The following APOBEC3A variants were observed in gnomAD, a reference collection of about 807,000 sequenced individuals.
APOBEC3A encodes DNA dC->dU-editing enzyme APOBEC-3A.
Under a neutral mutation model 23.0 loss-of-function variants are expected in APOBEC3A, and 13 were observed. The observed-to-expected ratio is 0.57, with a 90% CI of 0.37 to 0.90. The LOEUF (loss-of-function observed/expected upper bound fraction) is 0.90. Among genes scored for constraint, APOBEC3A ranks in the 40% least tolerant of loss-of-function variants. The pLI is 0.01. For missense variants in APOBEC3A, 179 were observed against 264.9 expected, an observed-to-expected ratio of 0.68 and a Z score of 2.25; for synonymous variants, 74 against 101.3, an observed-to-expected ratio of 0.73 and a Z score of 1.62.
rs1922776584 is a variant in APOBEC3A, at chr22:38,959,591, G to A, written c.79G>A (p.Gly27Arg). The A allele has an allele frequency of 6.2e-7, 1 of 1,613,948 alleles. No homozygotes were observed. The highest frequency in any genetic ancestry group is 1.3e-5 in the African/African-American group (1 of 74,884). Residue 27 changes from glycine to arginine, a missense_variant, in exon 2 of 5, where the codon GGA becomes AGA. By Grantham distance (125) the Gly-to-Arg change is moderately radical (BLOSUM62 -2). Transcript: ENST00000249116. ...CACTTCCAACTTTAACAATGGCATT[G>A]GAAGGCATAAGACCTACCTGTGCTA... Reference protein sequence around the residue: ...IFTSNFNNGIGRHKTYLCYEV... With the variant: ...IFTSNFNNGIRRHKTYLCYEV...
chr22:38,960,932 C>G (rs1007439337), intron 2 of APOBEC3A, among the ~76,000 whole-genome samples: 1 of 151,768 alleles, frequency 6.6e-6, no homozygotes, highest in African/African-American at 2.4e-5. Context: ...AGGGCTGGGT[C>G]TGGGGTGAGG....
In APOBEC3A at chr22:38,962,381, A is replaced by G. The variant is rs1016530508; in HGVS notation, c.586-114A>G. On this transcript the variant is annotated intron_variant, in intron 4 of 4. Coordinates refer to ENST00000249116, the MANE Select transcript of APOBEC3A (RefSeq NM_145699.4). ...TTCTCACAGCCTCCTTCTCTTTCCC[A>G]CCTCCCGCATCCCTCCCTCCTCTCC... The G allele has an allele frequency of 4.2e-5, 65 of 1,539,330 alleles. No individual in the cohort carries two copies. The African/African-American group carries it at 9.1e-4, about 21-fold the overall frequency.
chr22:38,960,480 G>A (rs1229811404), intron 2 of APOBEC3A, among the ~76,000 whole-genome samples: 1 of 152,186 alleles, frequency 6.6e-6, no homozygotes, highest in African/African-American at 2.4e-5. Flanking sequence ...GTCCCTCCCT[G>A]TCTTTGTCCC....
rs1352984145 is a variant in APOBEC3A at position 38,959,686 on chromosome 22, G to C, written c.174G>C (p.Gln58His). 2.5e-6 allele frequency: 4 copies of C among 1,612,894 alleles called. No individual in the cohort carries two copies. The African/African-American group carries it at 5.3e-5, about 22-fold the overall frequency. Residue 58 changes from glutamine to histidine, a missense_variant and splice_region_variant, in exon 2 of 5, where the codon CAG (glutamine) becomes CAC (histidine). By Grantham distance (24) the Gln-to-His change is conservative. Transcript: ENST00000249116. ...MDQHRGFLHNQAKNLLCGFYG... is the reference protein window; with the variant it reads ...MDQHRGFLHNHAKNLLCGFYG... The stretch of plus-strand genomic sequence containing the variant: ...AGCACAGGGGCTTTCTACACAACCA[G>C]GTGACCGACCCAGCCATCCGAATCC...
chr22:38,962,296 C>G, intron 4 of APOBEC3A, 83 bp downstream of exon 4: 5 of 1,605,950 alleles, frequency 3.1e-6, no homozygotes, highest in Non-Finnish European at 4.3e-6. Context: ...CCCCTCTGCT[C>G]AGAGCCTCCT....
Position 38,962,713 on chromosome 22 carries a change from A to G in APOBEC3A, c.*204A>G, listed in dbSNP as rs929670296. On this transcript the variant is annotated 3_prime_UTR_variant, in exon 5 of 5. Coordinates refer to ENST00000249116, the MANE Select transcript of APOBEC3A (RefSeq NM_145699.4). ...GGTGGCTCACGCCTGTAATCCCAGC[A>G]CTTTGGAGGCCAAGGCGGGTGGATC... is the stretch of plus-strand genomic sequence containing the variant. 3 of 1,329,168 alleles carry G rather than the reference A, an allele frequency of 2.3e-6. No individual in the cohort carries two copies. Among genetic ancestry groups the G allele is most frequent in the Non-Finnish European group, 3.0e-6 (3 of 990,842 alleles). The allele number at this position is 1,329,168 out of a possible 1,614,324, so 82.3% of individuals were successfully genotyped here. A position where few individuals can be genotyped will look rare whatever the true frequency, so the allele number is the denominator to read the frequency against.
chr22:38,958,495 CTT>C (rs1338794885), intron 1 of APOBEC3A, among the ~76,000 whole-genome samples: 2 of 138,674 alleles, frequency 1.4e-5, no homozygotes, highest in African/African-American at 5.5e-5. Flanking sequence ...TTCCTTCTTT[CTT>C]TCTTTTTCTT....
chr22:38,962,060 C>T (rs759462428), intron 3 of APOBEC3A, 38 bp from the exon 4 acceptor site: 2 of 1,586,212 alleles, frequency 1.3e-6, no homozygotes, highest in African/African-American at 1.3e-5. Context: ...CCCGATCCCA[C>T]AGCGGGAGCG....
rs1209187811 is a variant in APOBEC3A at position 38,959,442 on chromosome 22, G to A, written c.30-100G>A. On this transcript the variant is annotated intron_variant, in intron 1 of 4. Transcript: ENST00000249116. Reference sequence around the variant, plus strand: ...TAAGGGATGTGCGGAGCAGGGGGAAGGAGGGTGGGGTGCAAGGGAGGAAGT... The same window carrying A: ...TAAGGGATGTGCGGAGCAGGGGGAAAGAGGGTGGGGTGCAAGGGAGGAAGT... 8.5e-6 allele frequency: 12 copies of A among 1,412,284 alleles called. No individual in the cohort carries two copies. The East Asian group carries it at 1.4e-4, about 16-fold the overall frequency. The allele number at this position is 1,412,284 out of a possible 1,614,324, so 87.5% of individuals were successfully genotyped here.
intron 1 of APOBEC3A, among the ~76,000 whole-genome samples, chr22:38,958,811 CT>C (rs1922730526): frequency 7.7e-5 from 10 of 129,854 alleles, no homozygotes; most frequent in Admixed American, 5.3e-4. Flanking sequence ...TTCCTTCTTT[CT>C]CTTTCCTTCT....
chr22:38,962,770 A>G lies in APOBEC3A; in HGVS notation c.*261A>G. ...TCAGGAGATCGAGACCATCCTGGCT[A>G]ACACGGTGAAACCCTGTCTCTACTA... On this transcript the variant is annotated 3_prime_UTR_variant, in exon 5 of 5. Coordinates refer to ENST00000249116, the MANE Select transcript of APOBEC3A (RefSeq NM_145699.4). 1 of 836,458 alleles carries G rather than the reference A, an allele frequency of 1.2e-6. No individual in the cohort carries two copies. 51.8% of individuals were successfully genotyped at this position (836,458 alleles called of 1,614,324 possible).
intron 1 of APOBEC3A, among the ~76,000 whole-genome samples, chr22:38,958,178 C>CT (rs1321259722): frequency 6.6e-6 from 1 of 152,102 alleles, no homozygotes; most frequent in Non-Finnish European, 1.5e-5. Flanking sequence ...GCCTTGTTTC[C>CT]TTTTTTTGAG....
chr22:38,959,837 G>A lies in APOBEC3A; in HGVS notation c.174+151G>A, dbSNP rs555204891. On this transcript the variant is annotated intron_variant, in intron 2 of 4. Transcript: ENST00000249116. ...TGCTGCTTGGCCCTGGGGTTGGGGGGAGACTTCGGCTTCAGTGACTATCCA... is the reference window on the plus strand; with the variant it reads ...TGCTGCTTGGCCCTGGGGTTGGGGGAAGACTTCGGCTTCAGTGACTATCCA... 2.2e-4 allele frequency: 255 copies of A among 1,177,428 alleles called. 1 individual carries two copies. In the East Asian group the frequency reaches 6.0e-3, roughly 28 times the overall value. 72.9% of individuals were successfully genotyped at this position (1,177,428 alleles called of 1,614,324 possible).
In APOBEC3A at chr22:38,961,778, C is replaced by T. The variant is rs573596356; in HGVS notation, c.469+97C>T. The T allele has an allele frequency of 1.1e-4, 117 of 1,071,046 alleles. 1 individual carries two copies. In the South Asian group the frequency reaches 1.5e-3, roughly 14 times the overall value. The allele number at this position is 1,071,046 out of a possible 1,614,324, so 66.3% of individuals were successfully genotyped here. A position where few individuals can be genotyped will look rare whatever the true frequency, so the allele number is the denominator to read the frequency against. The stretch of plus-strand genomic sequence containing the variant: ...GGCCTTGGTCTGCTGCCTGCAGAAA[C>T]GATGGCTGGACTCTGGGACCTGACT... On this transcript the variant is annotated intron_variant, in intron 3 of 4. Transcript: ENST00000249116.
Position 38,957,620 on chromosome 22 carries a change from T to C in APOBEC3A, c.-72T>C. 1 of 1,574,680 alleles carries C rather than the reference T, an allele frequency of 6.4e-7. No homozygotes were observed. The highest frequency in any genetic ancestry group is 1.1e-5 in the South Asian group (1 of 87,344). ...AATCCTAAGAGAATGTTGGTGAAGATCTTAACACCACGCCTTGAGCAAGTC... is the reference window on the plus strand; with the variant it reads ...AATCCTAAGAGAATGTTGGTGAAGACCTTAACACCACGCCTTGAGCAAGTC... On this transcript the variant is annotated 5_prime_UTR_variant, in exon 1 of 5. Transcript: ENST00000249116.
At position 38,962,957 on chromosome 22, in the gene APOBEC3A, C is replaced by CAA. The variant is rs60486763; in HGVS notation, c.*460_*461dup. The CAA allele has an allele frequency of 1.5e-3, 224 of 146,606 alleles. No individual in the cohort carries two copies. The highest frequency in any genetic ancestry group is 6.2e-3 in the South Asian group (36 of 5,836). 9.1% of individuals were successfully genotyped at this position (146,606 alleles called of 1,614,324 possible). On this transcript the variant is annotated 3_prime_UTR_variant, in exon 5 of 5. Coordinates refer to ENST00000249116, the MANE Select transcript of APOBEC3A (RefSeq NM_145699.4). ...TGGGCGACAGTACCAGACTCCATCT[C>CAA]AAAAAAAAAAAAACCAGACTGAATT...
Position 38,961,487 on chromosome 22 carries a change from T to C in APOBEC3A, c.275T>C (p.Val92Ala), listed in dbSNP as rs1922879180. The C allele has an allele frequency of 6.8e-7, 1 of 1,468,916 alleles. No individual in the cohort carries two copies. Among genetic ancestry groups the C allele is most frequent in the South Asian group, 1.2e-5 (1 of 85,868 alleles). 91.0% of individuals were successfully genotyped at this position (1,468,916 alleles called of 1,614,324 possible). A position where few individuals can be genotyped will look rare whatever the true frequency, so the allele number is the denominator to read the frequency against. Reference protein sequence around the residue: ...LQLDPAQIYRVTWFISWSPCF... With the variant: ...LQLDPAQIYRATWFISWSPCF... ...TTGGACCCGGCCCAGATCTACAGGG[T>C]CACTTGGTTCATCTCCTGGAGCCCC... The change falls in exon 3 of 5, where the codon GTC becomes GCC. Residue 92 changes from valine (V) to alanine (A), a missense_variant. Val to Ala is a moderately conservative substitution (Grantham distance 64, BLOSUM62 0). This residue lies in a region of APOBEC3A where 10 missense variants were observed against 64.3 expected (regional missense o/e 0.16). Coordinates refer to ENST00000249116, the MANE Select transcript of APOBEC3A (RefSeq NM_145699.4).
Position 38,959,452 on chromosome 22 carries a change from G to A in APOBEC3A, c.30-90G>A, listed in dbSNP as rs1374739469. The A allele has an allele frequency of 2.7e-6, 4 of 1,481,720 alleles. No individual in the cohort carries two copies. The African/African-American group carries it at 5.5e-5, about 20-fold the overall frequency. The allele number at this position is 1,481,720 out of a possible 1,614,324, so 91.8% of individuals were successfully genotyped here. ...GCGGAGCAGGGGGAAGGAGGGTGGGGTGCAAGGGAGGAAGTGTGGGGAGGG... is the reference window on the plus strand; with the variant it reads ...GCGGAGCAGGGGGAAGGAGGGTGGGATGCAAGGGAGGAAGTGTGGGGAGGG... On this transcript the variant is annotated intron_variant, in intron 1 of 4. Transcript: ENST00000249116.
rs1360428744 is a variant in APOBEC3A at position 38,959,671 on chromosome 22, C to T, written c.159C>T (p.Gly53=). ...CGGTCAAGATGGACCAGCACAGGGG[C>T]TTTCTACACAACCAGGTGACCGACC... ...GTSVKMDQHR[G]FLHNQAKNLL... is the part of the protein sequence containing the mutation. Residue 53 remains glycine, a synonymous_variant, in exon 2 of 5, where the codon GGC becomes GGT. Transcript: ENST00000249116. 3 of 1,613,694 alleles carry T rather than the reference C, an allele frequency of 1.9e-6. No homozygotes were observed. The highest frequency in any genetic ancestry group is 1.7e-4 in the Middle Eastern group (1 of 5,926).
Sources: allele counts gnomAD v4.1 joint callset (sites outside exome capture counted in the v4.1 genomes callset), GRCh38; gene constraint gnomAD v4.1.1; regional missense constraint gnomAD v4.1.1; transcripts MANE v1.5; gene names NCBI Gene and HGNC (gene_info 2026-07-23, HGNC 2026-07-21).